Variants in CDH13 observed in about 807,000 individuals in gnomAD.
CDH13 encodes cadherin-13.
A neutral mutation model predicts 63.8 loss-of-function variants in CDH13; 24 were observed. That is an observed-to-expected ratio of 0.38 (90% CI 0.27 to 0.53). The LOEUF (loss-of-function observed/expected upper bound fraction) is 0.53. CDH13 is among the 20% of genes least tolerant of loss of function. CDH13 has a pLI of 0.85. For missense variants in CDH13, 1,049 were observed against 903.1 expected (o/e 1.16, Z -2.07); for synonymous variants, 503 against 355.3 (o/e 1.42, Z -4.67).
intron 6 of CDH13, among the ~76,000 whole-genome samples, chr16:83,481,748 T>A (rs1325771277): frequency 1.3e-5 from 2 of 152,156 alleles, no homozygotes; most frequent in African/African-American, 4.8e-5. Flanking sequence ...GTGATTATAA[T>A]TTATTTTGTC....
intron 1 of CDH13, among the ~76,000 whole-genome samples, chr16:82,771,778 C>A (rs1034820416): frequency 6.6e-6 from 1 of 152,204 alleles, no homozygotes; most frequent in East Asian, 1.9e-4. Flanking sequence ...GAAGTGGGAA[C>A]TGAGTTTGGC....
At chr16:83,046,406 C>T (rs1239847968) in intron 3 of CDH13, among the ~76,000 whole-genome samples, 1 of 152,006 alleles carries the variant, frequency 6.6e-6, no homozygotes, top group African/African-American at 2.4e-5. Flanking sequence ...ATTTTTCTTT[C>T]TCTATCACAC....
intron 4 of CDH13, among the ~76,000 whole-genome samples, chr16:83,153,247 G>A (rs974974284): frequency 1.3e-5 from 2 of 152,030 alleles, no homozygotes; most frequent in Non-Finnish European, 2.9e-5. Flanking sequence ...GAAATCATGG[G>A]GTGTCATGTT....
At chr16:83,565,383 C>T (rs80184730) in intron 7 of CDH13, among the ~76,000 whole-genome samples, 9 of 130,606 alleles carry the variant, frequency 6.9e-5, no homozygotes, top group Non-Finnish European at 9.4e-5. Context: ...TTCCACTGTT[C>T]TTTTTTTTTT....
chr16:82,760,153 C>G (rs1417740075), intron 1 of CDH13, among the ~76,000 whole-genome samples: 4 of 152,108 alleles, frequency 2.6e-5, no homozygotes, highest in Non-Finnish European at 4.4e-5. Flanking sequence ...TTCCAGAACA[C>G]CTATTTCAGG....
At chr16:83,106,280 C>T (rs539956746) in intron 3 of CDH13, among the ~76,000 whole-genome samples, 1 of 152,294 alleles carries the variant, frequency 6.6e-6, no homozygotes, top group South Asian at 2.1e-4. Context: ...TGGCTCATGC[C>T]TGTAATCCCA....
intron 3 of CDH13, among the ~76,000 whole-genome samples, chr16:83,103,804 T>C (rs73600130): frequency 0.03 from 4,625 of 152,290 alleles, 237 homozygotes; most frequent in African/African-American, 0.11. Flanking sequence ...CAGTAAGTGC[T>C]CAAAAAATGC....
At chr16:83,050,249 A>G (rs1003257782) in intron 3 of CDH13, among the ~76,000 whole-genome samples, 2 of 152,132 alleles carry the variant, frequency 1.3e-5, no homozygotes, top group African/African-American at 2.4e-5. Flanking sequence ...TAGGAGTGGA[A>G]TTGCTGGCTC....
intron 4 of CDH13, among the ~76,000 whole-genome samples, chr16:83,149,605 G>A (rs879106016): frequency 1.3e-5 from 2 of 152,272 alleles, no homozygotes; most frequent in Admixed American, 1.3e-4. Context: ...ATATTTTTGT[G>A]TATATCACTA....
chr16:82,940,481 T>C (rs1904276002), intron 2 of CDH13, among the ~76,000 whole-genome samples: 1 of 152,172 alleles, frequency 6.6e-6, no homozygotes, highest in South Asian at 2.1e-4. Flanking sequence ...CATAGATTGA[T>C]TTGAGTTTTG....
intron 7 of CDH13, among the ~76,000 whole-genome samples, chr16:83,561,644 C>T (rs138815551): frequency 1.2e-3 from 184 of 152,260 alleles, no homozygotes; most frequent in African/African-American, 4.1e-3. Context: ...TGATCTTAAG[C>T]AGAATTTCCT....
chr16:83,173,515 C>T (rs1053127277), intron 4 of CDH13, among the ~76,000 whole-genome samples: 1 of 152,000 alleles, frequency 6.6e-6, no homozygotes, highest in Admixed American at 6.6e-5. Context: ...AGACAAAATA[C>T]AAGACCCCAT....
intron 3 of CDH13, among the ~76,000 whole-genome samples, chr16:83,119,204 C>T (rs1379032364): frequency 6.6e-6 from 1 of 152,188 alleles, no homozygotes; most frequent in Non-Finnish European, 1.5e-5. Context: ...TTCTGCTACG[C>T]TGACTAAACT....
intron 5 of CDH13, among the ~76,000 whole-genome samples, chr16:83,272,397 G>C (rs1455892569): frequency 6.6e-6 from 1 of 152,196 alleles, no homozygotes; most frequent in African/African-American, 2.4e-5. Flanking sequence ...AGCGTTCCAG[G>C]CAGAGTGAAT....
At chr16:83,243,762 T>A (rs762374185) in intron 5 of CDH13, among the ~76,000 whole-genome samples, 6 of 152,182 alleles carry the variant, frequency 3.9e-5, no homozygotes, top group Non-Finnish European at 8.8e-5. Context: ...CGGAGCAAAC[T>A]GGAATATGAG....
Position 82,922,837 on chromosome 16 carries a change from C to G in CDH13, c.157+64364C>G, listed in dbSNP as rs1387031997. Among the ~76,000 whole-genome samples, 3 of 152,122 alleles carry G rather than the reference C, an allele frequency of 2.0e-5. No homozygotes were observed. In the East Asian group the frequency reaches 5.8e-4, roughly 29 times the overall value. ...ACCTGGGGTTTAACTACTTTTTGAG[C>G]TTCTGATTCCTTAAATGTGAGAAGG... On this transcript the variant is annotated intron_variant, in intron 2 of 13. Coordinates refer to ENST00000567109, the MANE Select transcript of CDH13 (RefSeq NM_001257.5).
chr16:83,373,071 T>C (rs555899011), intron 6 of CDH13, among the ~76,000 whole-genome samples: 2 of 152,326 alleles, frequency 1.3e-5, no homozygotes, highest in South Asian at 4.1e-4. Flanking sequence ...AGTTTTAAAG[T>C]TGGCTTTGAC....
chr16:82,929,105 T>C (rs1321557700), intron 2 of CDH13, among the ~76,000 whole-genome samples: 1 of 152,216 alleles, frequency 6.6e-6, no homozygotes, highest in Non-Finnish European at 1.5e-5. Flanking sequence ...TTAAAAAATA[T>C]GCTATCATTC....
intron 8 of CDH13, among the ~76,000 whole-genome samples, chr16:83,670,199 A>G (rs1914377490): frequency 6.6e-6 from 1 of 152,230 alleles, no homozygotes; most frequent in Non-Finnish European, 1.5e-5. Flanking sequence ...AGCAGTATCT[A>G]GCAGAGGATC....
Sources: allele counts gnomAD v4.1 joint callset (sites outside exome capture counted in the v4.1 genomes callset), GRCh38; gene constraint gnomAD v4.1.1; transcripts MANE v1.5; gene names NCBI Gene and HGNC (gene_info 2026-07-23, HGNC 2026-07-21).